The following TANC2 variants were observed in gnomAD, a reference collection of about 807,000 sequenced individuals.
The protein encoded by TANC2 is tetratricopeptide repeat, ankyrin repeat and coiled-coil containing 2, also known as protein TANC2.
A neutral mutation model predicts 210.5 loss-of-function variants in TANC2; 26 were observed. That is an observed-to-expected ratio of 0.12 (90% confidence interval 0.09 to 0.17). The LOEUF (loss-of-function observed/expected upper bound fraction) is 0.17. Ranked by LOEUF, TANC2 falls within the 10% of genes least tolerant of loss-of-function variation. TANC2 has a pLI of 1.00. For missense variants in TANC2, 2,129 were observed against 2,608.9 expected, an observed-to-expected ratio of 0.82 and a Z score of 4.01; for synonymous variants, 931 against 967.1, an observed-to-expected ratio of 0.96 and a Z score of 0.69.
intron 4 of TANC2, among the ~76,000 whole-genome samples, chr17:63,102,301 A>C (rs1193873758): frequency 6.6e-6 from 1 of 152,008 alleles, no homozygotes; most frequent in Non-Finnish European, 1.5e-5. Context: ...CAGAACAAGC[A>C]AGACCCTGCC....
At chr17:63,283,005 T>C (rs2044105608) in intron 9 of TANC2, among the ~76,000 whole-genome samples, 1 of 152,064 alleles carries the variant, frequency 6.6e-6, no homozygotes, top group South Asian at 2.1e-4. Flanking sequence ...ACTGGCCTTT[T>C]AGTGTCGTGT....
intron 8 of TANC2, among the ~76,000 whole-genome samples, chr17:63,252,336 A>G (rs951949942): frequency 6.6e-6 from 1 of 152,110 alleles, no homozygotes; most frequent in African/African-American, 2.4e-5. Flanking sequence ...TGGCATAACC[A>G]TCACCTCAAG....
chr17:63,158,398 A>G (rs2039911479), intron 5 of TANC2, among the ~76,000 whole-genome samples: 1 of 152,312 alleles, frequency 6.6e-6, no homozygotes, highest in East Asian at 1.9e-4. Context: ...TTGGAAAAAA[A>G]TGTGTTTCTT....
At chr17:63,392,955 G>A (rs2048028535) in intron 17 of TANC2, among the ~76,000 whole-genome samples, 1 of 152,098 alleles carries the variant, frequency 6.6e-6, no homozygotes, top group Admixed American at 6.5e-5. Context: ...ATCAAAACCA[G>A]GAAAGTAATT....
intron 8 of TANC2, among the ~76,000 whole-genome samples, chr17:63,250,719 A>G (rs2043034596): frequency 6.6e-6 from 1 of 152,218 alleles, no homozygotes; most frequent in Admixed American, 6.5e-5. Context: ...CAAAGCACTT[A>G]AGTATCATCA....
chr17:63,155,961 A>G (rs2039821720), intron 5 of TANC2, among the ~76,000 whole-genome samples: 1 of 152,168 alleles, frequency 6.6e-6, no homozygotes, highest in South Asian at 2.1e-4. Flanking sequence ...ACTCCTGTAT[A>G]GTCATGGTCA....
At chr17:63,178,802 T>C (rs2040680457) in intron 5 of TANC2, among the ~76,000 whole-genome samples, 1 of 152,210 alleles carries the variant, frequency 6.6e-6, no homozygotes, top group African/African-American at 2.4e-5. Flanking sequence ...TCTGGGGAAC[T>C]AGAGATATAG....
chr17:63,038,891 G>A (rs1411515421), intron 2 of TANC2, among the ~76,000 whole-genome samples: 1 of 152,020 alleles, frequency 6.6e-6, no homozygotes, highest in African/African-American at 2.4e-5. Context: ...TCTTTTTAAA[G>A]GTTTCTTCCA....
chr17:63,345,758 C>T (rs566600126), intron 12 of TANC2, among the ~76,000 whole-genome samples: 33 of 152,074 alleles, frequency 2.2e-4, no homozygotes, highest in African/African-American at 7.2e-4. Flanking sequence ...GGTTTCAAGA[C>T]GTACAGAATT....
At chr17:63,245,997 G>C (rs1200308480) in intron 8 of TANC2, among the ~76,000 whole-genome samples, 1 of 140,830 alleles carries the variant, frequency 7.1e-6, no homozygotes. Flanking sequence ...GATACAGAGT[G>C]AGACGCTGTC....
intron 1 of TANC2, among the ~76,000 whole-genome samples, chr17:62,994,926 T>C: frequency 6.6e-6 from 1 of 152,236 alleles, no homozygotes; most frequent in South Asian, 2.1e-4. Flanking sequence ...CTTGTATTGT[T>C]TACTGTGTTA....
intron 20 of TANC2, among the ~76,000 whole-genome samples, 174 bp from the exon 21 acceptor site, chr17:63,405,980 G>A (rs1301229149): frequency 1.3e-5 from 2 of 152,204 alleles, no homozygotes; most frequent in African/African-American, 4.8e-5. Flanking sequence ...CTGTCCCTGA[G>A]AGAGATTAAA....
chr17:63,380,706 T>C (rs1463698591), intron 15 of TANC2, among the ~76,000 whole-genome samples: 1 of 152,202 alleles, frequency 6.6e-6, no homozygotes, highest in Non-Finnish European at 1.5e-5. Context: ...CCACAGGATA[T>C]TGTTAAAAAA....
chr17:63,034,519 C>T (rs981459622), intron 2 of TANC2, among the ~76,000 whole-genome samples: 1 of 152,120 alleles, frequency 6.6e-6, no homozygotes, highest in Non-Finnish European at 1.5e-5. Flanking sequence ...TTAAGAAATA[C>T]ATTTTTCAAG....
intron 2 of TANC2, among the ~76,000 whole-genome samples, chr17:63,043,759 C>G (rs2144293211): frequency 6.6e-6 from 1 of 152,222 alleles, no homozygotes; most frequent in East Asian, 1.9e-4. Context: ...TCTAAAATCC[C>G]TTTTCAATCA....
intron 7 of TANC2, among the ~76,000 whole-genome samples, chr17:63,215,925 A>G (rs147888645): frequency 1.3e-3 from 193 of 151,170 alleles, no homozygotes; most frequent in African/African-American, 4.5e-3. Context: ...AATTTTTTGT[A>G]TTTTGTTAGT....
At chr17:63,212,640 A>G (rs986150181) in intron 7 of TANC2, among the ~76,000 whole-genome samples, 5 of 152,200 alleles carry the variant, frequency 3.3e-5, no homozygotes, top group African/African-American at 9.6e-5. Context: ...TATATTGCCC[A>G]GGCTGGTCTT....
chr17:63,026,924 T>C (rs1010650690), intron 2 of TANC2, among the ~76,000 whole-genome samples: 4 of 152,162 alleles, frequency 2.6e-5, no homozygotes, highest in Non-Finnish European at 4.4e-5. Flanking sequence ...CAAAGTTTGC[T>C]GCATCCCTCC....
chr17:63,054,989 A>C (rs2035719184), intron 2 of TANC2, among the ~76,000 whole-genome samples: 1 of 152,238 alleles, frequency 6.6e-6, no homozygotes, highest in Non-Finnish European at 1.5e-5. Flanking sequence ...GTATTCTAGC[A>C]GATCATTTAG....
Sources: allele counts gnomAD v4.1 joint callset (sites outside exome capture counted in the v4.1 genomes callset), GRCh38; gene constraint gnomAD v4.1.1; transcripts MANE v1.5; gene names NCBI Gene and HGNC (gene_info 2026-07-23, HGNC 2026-07-21).